The following ADGRL2 variants were observed in gnomAD, a reference collection of about 807,000 sequenced individuals.
ADGRL2 encodes the protein calcium-independent alpha-latrotoxin receptor 2.
ADGRL2 carries 44 observed loss-of-function variants against 157.4 expected under a neutral mutation model. The ratio of observed to expected loss-of-function variants is 0.28; its 90% confidence interval spans 0.22 to 0.36. The LOEUF (loss-of-function observed/expected upper bound fraction) is 0.36, where lower values mean the gene tolerates loss of function less well. Among genes scored for constraint, ADGRL2 ranks in the 10% least tolerant of loss-of-function variants. The pLI is 1.00. For synonymous variants in ADGRL2, 585 were observed against 624.7 expected (o/e 0.94, Z 0.95); for missense variants, 1,510 against 1,768.9 (o/e 0.85, Z 2.63).
chr1:81,793,788 G>A (rs965780190), intron 2 of ADGRL2, among the ~76,000 whole-genome samples: 7 of 151,930 alleles, frequency 4.6e-5, no homozygotes, highest in African/African-American at 7.2e-5. Context: ...GTTTAAAATC[G>A]TTTTGCAACA....
At chr1:81,478,655 C>T (rs532805801) in intron 2 of ADGRL2, among the ~76,000 whole-genome samples, 13 of 152,224 alleles carry the variant, frequency 8.5e-5, no homozygotes, top group African/African-American at 2.6e-4. Context: ...AATTTGTAGT[C>T]GTCTTATTAA....
chr1:81,760,087 A>G (rs2149302142), intron 1 of ADGRL2, among the ~76,000 whole-genome samples: 1 of 152,246 alleles, frequency 6.6e-6, no homozygotes, highest in African/African-American at 2.4e-5. Context: ...AGGAAAGTCC[A>G]AACATATATT....
At chr1:81,869,784 G>A (rs966027539) in intron 2 of ADGRL2, among the ~76,000 whole-genome samples, 3 of 152,046 alleles carry the variant, frequency 2.0e-5, no homozygotes, top group Admixed American at 6.6e-5. Context: ...TTAGGTAGAC[G>A]TGTTAAGTTT....
At chr1:81,666,033 T>G (rs756622406) in intron 3 of ADGRL2, among the ~76,000 whole-genome samples, 4 of 152,152 alleles carry the variant, frequency 2.6e-5, no homozygotes, top group Non-Finnish European at 5.9e-5. Context: ...AAATCCTTCC[T>G]AAACAATCAA....
At chr1:81,413,013 T>G (rs2076973411) in intron 1 of ADGRL2, among the ~76,000 whole-genome samples, 1 of 152,240 alleles carries the variant, frequency 6.6e-6, no homozygotes, top group African/African-American at 2.4e-5. Flanking sequence ...GGATGTTTTC[T>G]CTACTTTTTT....
At chr1:81,508,884 A>G (rs530761154) in intron 2 of ADGRL2, among the ~76,000 whole-genome samples, 1 of 152,338 alleles carries the variant, frequency 6.6e-6, no homozygotes, top group South Asian at 2.1e-4. Context: ...TAGCTTCAGG[A>G]CTTGGTTAGA....
intron 3 of ADGRL2, among the ~76,000 whole-genome samples, chr1:81,648,784 T>A (rs1371184161): frequency 6.6e-6 from 1 of 152,168 alleles, no homozygotes; most frequent in African/African-American, 2.4e-5. Context: ...CTTCCTAGCC[T>A]GAAATAATTG....
At chr1:81,452,408 T>C (rs2077719185) in intron 2 of ADGRL2, among the ~76,000 whole-genome samples, 2 of 152,176 alleles carry the variant, frequency 1.3e-5, no homozygotes, top group Non-Finnish European at 2.9e-5. Flanking sequence ...ACGATTTTAC[T>C]GAACACCTTT....
At position 81,585,173 on chromosome 1, in the gene ADGRL2, AAAC is replaced by A. The variant is rs541093101; in HGVS notation, c.-143+4194_-143+4196del. ...CTACAAGCTTTTGTTGGTGAATCTTAAACTGTATGATCTATCTAGACTCACATA... is the reference window on the plus strand; with the variant it reads ...CTACAAGCTTTTGTTGGTGAATCTTATGTATGATCTATCTAGACTCACATA... On this transcript the variant is annotated intron_variant, in intron 3 of 24. Coordinates refer to the ADGRL2 transcript ENST00000370721. Among the ~76,000 whole-genome samples the A allele has an allele frequency of 1.3e-4, 20 of 152,268 alleles. No individual in the cohort carries two copies. The South Asian group carries it at 3.9e-3, about 30-fold the overall frequency.
intron 1 of ADGRL2, among the ~76,000 whole-genome samples, chr1:81,389,769 G>C (rs1274014684): frequency 6.6e-6 from 1 of 152,022 alleles, no homozygotes; most frequent in Non-Finnish European, 1.5e-5. Flanking sequence ...GGGTGGGAGT[G>C]GTCAGAGAGA....
At chr1:81,664,696 T>C (rs2082720673) in intron 3 of ADGRL2, among the ~76,000 whole-genome samples, 1 of 152,160 alleles carries the variant, frequency 6.6e-6, no homozygotes, top group Non-Finnish European at 1.5e-5. Flanking sequence ...ATTGAGACAA[T>C]TTAAGAAACT....
At chr1:81,387,192 C>T (rs2076453630) in intron 1 of ADGRL2, among the ~76,000 whole-genome samples, 1 of 152,154 alleles carries the variant, frequency 6.6e-6, no homozygotes, top group African/African-American at 2.4e-5. Context: ...CGTGAAAACA[C>T]TTGGACTTGT....
chr1:81,723,729 T>G (rs2084415854), intron 1 of ADGRL2, among the ~76,000 whole-genome samples: 1 of 152,202 alleles, frequency 6.6e-6, no homozygotes, highest in South Asian at 2.1e-4. Flanking sequence ...GGGTAGAGAC[T>G]GGAAGTACTT....
chr1:81,647,360 T>A (rs985592278), intron 3 of ADGRL2, among the ~76,000 whole-genome samples: 3 of 152,138 alleles, frequency 2.0e-5, no homozygotes, highest in Admixed American at 6.6e-5. Context: ...GCATCCCTAA[T>A]CTGAAAATTT....
chr1:81,859,406 C>CTTTTTT (rs34509135), intron 2 of ADGRL2, among the ~76,000 whole-genome samples: 1 of 124,922 alleles, frequency 8.0e-6, no homozygotes, highest in Admixed American at 8.5e-5. Flanking sequence ...AGAATAAAAC[C>CTTTTTT]TTTTTTTTTT....
chr1:81,976,892 G>A (rs1053358243), intron 17 of ADGRL2, among the ~76,000 whole-genome samples: 1 of 151,864 alleles, frequency 6.6e-6, no homozygotes, highest in Non-Finnish European at 1.5e-5. Context: ...CTTTGAGGCA[G>A]TATTTTATAT....
chr1:81,835,950 T>G (rs1199261631), intron 1 of ADGRL2, among the ~76,000 whole-genome samples: 1 of 152,104 alleles, frequency 6.6e-6, no homozygotes, highest in Admixed American at 6.6e-5. Context: ...AATGAACTGA[T>G]AGTAGAATGT....
chr1:81,842,524 A>T (rs1461388993), intron 2 of ADGRL2, among the ~76,000 whole-genome samples: 2 of 151,480 alleles, frequency 1.3e-5, no homozygotes, highest in African/African-American at 4.9e-5. Flanking sequence ...TGCCTGTCTA[A>T]CTTTTTTATT....
intron 3 of ADGRL2, among the ~76,000 whole-genome samples, chr1:81,669,536 A>G (rs2082823378): frequency 6.6e-6 from 1 of 152,198 alleles, no homozygotes; most frequent in African/African-American, 2.4e-5. Flanking sequence ...CCTTGTCCTC[A>G]TGAAGCTTAT....
Sources: allele counts gnomAD v4.1 joint callset (sites outside exome capture counted in the v4.1 genomes callset), GRCh38; gene constraint gnomAD v4.1.1; transcripts MANE v1.5; gene names NCBI Gene and HGNC (gene_info 2026-07-23, HGNC 2026-07-21).